Variants in SIPA1L3 observed in about 807,000 individuals in gnomAD.
The protein encoded by SIPA1L3 is signal-induced proliferation-associated 1-like protein 3.
In SIPA1L3, 59 loss-of-function variants were observed where a neutral mutation model predicts 150.1. That is an observed-to-expected ratio of 0.39 (90% CI 0.32 to 0.49). SIPA1L3 has a LOEUF of 0.49. SIPA1L3 is among the 20% of genes least tolerant of loss of function. The pLI is 0.86. For missense variants in SIPA1L3, 2,211 were observed against 2,489.5 expected, an observed-to-expected ratio of 0.89 and a Z score of 2.38; for synonymous variants, 1,070 against 1,077.6, an observed-to-expected ratio of 0.99 and a Z score of 0.14.
intron 1 of SIPA1L3, among the ~76,000 whole-genome samples, chr19:37,980,048 C>T (rs958833722): frequency 2.0e-5 from 3 of 152,230 alleles, no homozygotes; most frequent in Admixed American, 6.5e-5. Context: ...ATCGGGCAGT[C>T]CTGTGGAGGG....
At chr19:37,925,827 C>T (rs1233210802) in intron 1 of SIPA1L3, among the ~76,000 whole-genome samples, 1 of 152,070 alleles carries the variant, frequency 6.6e-6, no homozygotes, top group Non-Finnish European at 1.5e-5. Context: ...CTCTTGACCT[C>T]GTGATCCACC....
chr19:38,042,959 T>G (rs1469685531), intron 2 of SIPA1L3, among the ~76,000 whole-genome samples: 1 of 152,240 alleles, frequency 6.6e-6, no homozygotes, highest in Non-Finnish European at 1.5e-5. Flanking sequence ...AGCACTTACC[T>G]TCCTGTGCCT....
chr19:38,117,906 C>A (rs1970924378), intron 8 of SIPA1L3, among the ~76,000 whole-genome samples: 1 of 152,168 alleles, frequency 6.6e-6, no homozygotes, highest in South Asian at 2.1e-4. Context: ...CTGCCTCAGC[C>A]TCCCGAGTAG....
At position 38,077,661 on chromosome 19, in the gene SIPA1L3, C is replaced by CTTTTTTTTTTTTTTTTTTTTTTTTTTTTT. The variant is rs58788182; in HGVS notation, c.-310-3568_-310-3567insTTTTTTTTTTTTTTTTTTTTTTTTTTTTT. Among the ~76,000 whole-genome samples, 10 of 64,348 alleles carry CTTTTTTTTTTTTTTTTTTTTTTTTTTTTT rather than the reference C, an allele frequency of 1.6e-4. 1 individual carries two copies. Among genetic ancestry groups the CTTTTTTTTTTTTTTTTTTTTTTTTTTTTT allele is most frequent in the East Asian group, 5.5e-4 (1 of 1,834 alleles). 42.2% of individuals were successfully genotyped at this position (64,348 alleles called of 152,430 possible). A position where few individuals can be genotyped will look rare whatever the true frequency, so the allele number is the denominator to read the frequency against. ...TTTTTTCTTTTTTCTTTTTCTTTTTCTTTTTTTTTTTTTTTTTTTTTTTTT... is the reference window on the plus strand; with the variant it reads ...TTTTTTCTTTTTTCTTTTTCTTTTTCTTTTTTTTTTTTTTTTTTTTTTTTTTTTTTTTTTTTTTTTTTTTTTTTTTTTTT... On this transcript the variant is annotated intron_variant, in intron 2 of 21. Transcript: ENST00000222345.
At chr19:38,007,132 A>G (rs570639806) in intron 1 of SIPA1L3, among the ~76,000 whole-genome samples, 9 of 152,298 alleles carry the variant, frequency 5.9e-5, no homozygotes, top group Admixed American at 6.5e-5. Flanking sequence ...AGCCCGGCCA[A>G]TGTGGTGAAA....
At chr19:37,974,965 C>T (rs1967040704) in intron 1 of SIPA1L3, among the ~76,000 whole-genome samples, 1 of 152,180 alleles carries the variant, frequency 6.6e-6, no homozygotes. Flanking sequence ...ATCACGAGGT[C>T]AGGAGATCAA....
chr19:38,027,626 G>T (rs1192037989), intron 1 of SIPA1L3, among the ~76,000 whole-genome samples: 1 of 151,970 alleles, frequency 6.6e-6, no homozygotes, highest in East Asian at 1.9e-4. Context: ...CTAGCCAGGT[G>T]GTCAGAAACA....
At chr19:37,967,759 A>C (rs1725487) in intron 1 of SIPA1L3, among the ~76,000 whole-genome samples, 41,875 of 152,040 alleles carry the variant, frequency 0.28, 6,896 homozygotes, top group East Asian at 0.62. Context: ...CCCATGTACT[A>C]GGGTTGTTAA....
At chr19:38,152,122 TC>T (rs1363836236) in intron 12 of SIPA1L3, among the ~76,000 whole-genome samples, 1 of 152,020 alleles carries the variant, frequency 6.6e-6, no homozygotes. Flanking sequence ...TTCCATCCAC[TC>T]CCCAACTCTA....
chr19:38,035,560 G>T (rs561594505), intron 2 of SIPA1L3, among the ~76,000 whole-genome samples: 1 of 152,262 alleles, frequency 6.6e-6, no homozygotes, highest in South Asian at 2.1e-4. Context: ...GCTGACCTGG[G>T]GTCTAGTCAT....
At chr19:37,993,867 A>G (rs898777897) in intron 1 of SIPA1L3, among the ~76,000 whole-genome samples, 3 of 152,160 alleles carry the variant, frequency 2.0e-5, no homozygotes, top group Non-Finnish European at 4.4e-5. Context: ...TTTTATTTCA[A>G]TGCATAGCAG....
intron 1 of SIPA1L3, among the ~76,000 whole-genome samples, chr19:38,007,180 C>T (rs1462041441): frequency 6.6e-6 from 1 of 151,782 alleles, no homozygotes; most frequent in African/African-American, 2.4e-5. Context: ...TGGCTGGGCA[C>T]GGTGGCTGAC....
chr19:38,044,374 A>C (rs1019030036), intron 2 of SIPA1L3, among the ~76,000 whole-genome samples: 1 of 152,082 alleles, frequency 6.6e-6, no homozygotes, highest in Non-Finnish European at 1.5e-5. Flanking sequence ...TCACGAGGAG[A>C]GCCGTGTGGA....
chr19:37,984,202 G>A (rs1409823540), intron 1 of SIPA1L3, among the ~76,000 whole-genome samples: 1 of 152,182 alleles, frequency 6.6e-6, no homozygotes. Context: ...CCTTACTAAT[G>A]TGTGACCTTG....
rs533542771 is a variant in SIPA1L3 at position 38,165,019 on chromosome 19, G to A, written c.4208+113G>A. 26 of 1,011,222 alleles carry A rather than the reference G, an allele frequency of 2.6e-5. No homozygotes were observed. In the South Asian group the frequency reaches 4.3e-4, roughly 17 times the overall value. The allele number at this position is 1,011,222 out of a possible 1,614,324, so 62.6% of individuals were successfully genotyped here. A position where few individuals can be genotyped will look rare whatever the true frequency, so the allele number is the denominator to read the frequency against. On this transcript the variant is annotated intron_variant, in intron 15 of 21. Transcript: ENST00000222345. ...CAGAAACACACTCACGGATGAATGC[G>A]CCTAGTCATTGGTTTGCTGACAGAA...
chr19:38,112,234 A>G (rs1970779959), intron 8 of SIPA1L3, among the ~76,000 whole-genome samples: 1 of 151,468 alleles, frequency 6.6e-6, no homozygotes, highest in South Asian at 2.1e-4. Context: ...ACACATGCAC[A>G]CACCTGCACT....
intron 2 of SIPA1L3, among the ~76,000 whole-genome samples, chr19:38,033,532 G>C (rs1470752362): frequency 2.0e-5 from 3 of 152,028 alleles, no homozygotes; most frequent in Non-Finnish European, 2.9e-5. Context: ...TACAAAAAAT[G>C]TTTTAAATAG....
chr19:38,014,816 C>T (rs1968194657), intron 1 of SIPA1L3, among the ~76,000 whole-genome samples: 1 of 151,780 alleles, frequency 6.6e-6, no homozygotes, highest in African/African-American at 2.4e-5. Context: ...ACTACAGGTG[C>T]CTGCCACCAC....
At position 37,952,337 on chromosome 19, in the gene SIPA1L3, A is replaced by G. The variant is rs188033515; in HGVS notation, c.-379+44979A>G. On this transcript the variant is annotated intron_variant, in intron 1 of 21. Coordinates refer to ENST00000222345, the MANE Select transcript of SIPA1L3 (RefSeq NM_015073.3). The stretch of plus-strand genomic sequence containing the variant: ...ACTTGCAACCGAAAGAGTCCTAAGT[A>G]ATACAGTAATTTTAGTGGACCCTAG... Among the ~76,000 whole-genome samples the G allele has an allele frequency of 2.6e-5, 4 of 152,258 alleles. No homozygotes were observed. The East Asian group carries it at 7.7e-4, about 29-fold the overall frequency.
Sources: gnomAD v4.1 joint callset for allele counts (sites outside exome capture counted in the v4.1 genomes callset) on GRCh38, gnomAD v4.1.1 for gene constraint, MANE v1.5 for transcripts, NCBI Gene and HGNC (gene_info 2026-07-23, HGNC 2026-07-21) for gene names.